The following LIPA variants were observed in gnomAD, a reference collection of about 807,000 sequenced individuals.
LIPA encodes the protein lysosomal acid lipase/cholesteryl ester hydrolase.
A neutral mutation model predicts 40.6 loss-of-function variants in LIPA; 26 were observed. The ratio of observed to expected loss-of-function variants is 0.64; its 90% CI spans 0.47 to 0.89. LIPA has a LOEUF of 0.89. LIPA is among the 40% of genes least tolerant of loss of function. LIPA has a pLI of 0.00. For missense variants in LIPA, 455 were observed against 479.6 expected, an observed-to-expected ratio of 0.95 and a Z score of 0.48; for synonymous variants, 188 against 168.4, an observed-to-expected ratio of 1.12 and a Z score of -0.90.
rs192186432 is a variant in LIPA, at chr10:89,326,191, T to C, written c.-2+16420A>G. 1.7e-3 allele frequency among the ~76,000 whole-genome samples: 265 copies of C among 152,294 alleles called. 3 individuals are homozygous for C. Among genetic ancestry groups the C allele is most frequent in the African/African-American group, 5.9e-3 (244 of 41,560 alleles). On this transcript the variant is annotated intron_variant, in intron 1 of 5. Coordinates refer to the LIPA transcript ENST00000282673. ...AGCCAAGATTTGGAAGCAACCTAAG[T>C]GTCCATCAGCAGAAGAATGGATACA...
intron 1 of LIPA, among the ~76,000 whole-genome samples, chr10:89,285,729 T>C (rs1420997745): frequency 6.6e-6 from 1 of 151,408 alleles, no homozygotes; most frequent in African/African-American, 2.4e-5. Flanking sequence ...TTCTCCACTT[T>C]CCTGGGGGGC....
chr10:89,214,772 C>T lies in LIPA; in HGVS notation c.*56G>A. ...AAGTGTTTTACAGAAATGAAGCAAA[C>T]ACATTTTCACATGACATAATCATTG... On this transcript the variant is annotated 3_prime_UTR_variant, in exon 10 of 10. Transcript: ENST00000336233. 2 of 1,088,634 alleles carry T rather than the reference C, an allele frequency of 1.8e-6. No homozygotes were observed. Among genetic ancestry groups the T allele is most frequent in the Admixed American group, 1.7e-5 (1 of 57,376 alleles). 67.4% of individuals were successfully genotyped at this position (1,088,634 alleles called of 1,614,324 possible).
chr10:89,399,693 T>C (rs1844394593), intron 2 of LIPA, among the ~76,000 whole-genome samples: 1 of 152,212 alleles, frequency 6.6e-6, no homozygotes, highest in South Asian at 2.1e-4. Context: ...ATGGAATGAA[T>C]TGTGCACTTC....
intron 3 of LIPA, among the ~76,000 whole-genome samples, chr10:89,234,837 T>A (rs1842885239): frequency 6.6e-6 from 1 of 152,234 alleles, no homozygotes; most frequent in Non-Finnish European, 1.5e-5. Flanking sequence ...ATTGCACGCT[T>A]GTATGCTGTA....
intron 2 of LIPA, chr10:89,384,281 A>G (rs1267289420): frequency 6.2e-7 from 1 of 1,614,222 alleles, no homozygotes; most frequent in Non-Finnish European, 8.5e-7. Context: ...AGATTGGTTC[A>G]ATTGGCTATA....
chr10:89,242,600 G>C (rs1221593300), intron 3 of LIPA, among the ~76,000 whole-genome samples: 1 of 152,150 alleles, frequency 6.6e-6, no homozygotes, highest in African/African-American at 2.4e-5. Flanking sequence ...CAGTCAAAGA[G>C]GCCCATGGCA....
intron 3 of LIPA, among the ~76,000 whole-genome samples, chr10:89,234,878 CA>C (rs1162380756): frequency 6.6e-6 from 1 of 152,240 alleles, no homozygotes; most frequent in Non-Finnish European, 1.5e-5. Flanking sequence ...TTGAAGTTGG[CA>C]CTACTGCCAT....
chr10:89,290,001 T>TG (rs34537189), intron 1 of LIPA, among the ~76,000 whole-genome samples: 2 of 105,276 alleles, frequency 1.9e-5, no homozygotes, highest in African/African-American at 6.0e-5. Flanking sequence ...AAAAAAAGGG[T>TG]GGGGGGGACT....
rs773438268 is a variant in LIPA, at chr10:89,339,827, A to G, written c.-2+2784T>C. 45 of 1,614,104 alleles carry G rather than the reference A, an allele frequency of 2.8e-5. No homozygotes were observed. Among genetic ancestry groups the G allele is most frequent in the Admixed American group, 1.0e-4 (6 of 60,008 alleles). ...TTAGAGGGTTTGTCCATAAGCAAAA[A>G]ATCAACTGACAAGGAAGAGATCAAA... On this transcript the variant is annotated intron_variant, in intron 1 of 5. Coordinates refer to the LIPA transcript ENST00000282673.
At chr10:89,410,303 G>A (rs1463588545) in intron 2 of LIPA, among the ~76,000 whole-genome samples, 1 of 152,192 alleles carries the variant, frequency 6.6e-6, no homozygotes, top group East Asian at 1.9e-4. Flanking sequence ...GCTACTCCTT[G>A]AGGGACCAGT....
chr10:89,259,668 G>A (rs904039401), intron 1 of LIPA, among the ~76,000 whole-genome samples: 3 of 152,202 alleles, frequency 2.0e-5, no homozygotes, highest in Non-Finnish European at 4.4e-5. Context: ...TAAACAAATT[G>A]TGGTGTATCT....
intron 2 of LIPA, among the ~76,000 whole-genome samples, chr10:89,388,480 T>C (rs1844224358): frequency 6.6e-6 from 1 of 152,150 alleles, no homozygotes; most frequent in Non-Finnish European, 1.5e-5. Context: ...AGACGGTTGT[T>C]GGTGTATTAT....
At chr10:89,233,212 G>T (rs187272359) in intron 3 of LIPA, among the ~76,000 whole-genome samples, 1 of 152,208 alleles carries the variant, frequency 6.6e-6, no homozygotes, top group Non-Finnish European at 1.5e-5. Flanking sequence ...AAAAGATGCA[G>T]CAGATGGGAA....
intron 1 of LIPA, among the ~76,000 whole-genome samples, chr10:89,264,946 A>G (rs775045547): frequency 3.3e-5 from 5 of 152,142 alleles, no homozygotes; most frequent in African/African-American, 4.8e-5. Context: ...GGGAACCCAC[A>G]GGCCCATGCT....
intron 2 of LIPA, among the ~76,000 whole-genome samples, chr10:89,398,124 T>C (rs933320001): frequency 1.3e-4 from 20 of 152,136 alleles, no homozygotes; most frequent in South Asian, 4.1e-4. Context: ...GGAAAAACTA[T>C]AGGGAAAGAA....
At chr10:89,296,732 G>T (rs931138367) in intron 1 of LIPA, among the ~76,000 whole-genome samples, 8 of 152,054 alleles carry the variant, frequency 5.3e-5, no homozygotes, top group Non-Finnish European at 1.0e-4. Flanking sequence ...CCTCAGTTTT[G>T]CTGGAGAATG....
intron 2 of LIPA, among the ~76,000 whole-genome samples, chr10:89,381,519 A>G (rs1678162500): frequency 6.6e-6 from 1 of 152,160 alleles, no homozygotes; most frequent in African/African-American, 2.4e-5. Context: ...ATCCTAAAGC[A>G]ATATGCCAGG....
chr10:89,394,804 T>C (rs1235222503), intron 2 of LIPA, among the ~76,000 whole-genome samples: 1 of 151,950 alleles, frequency 6.6e-6, no homozygotes, highest in African/African-American at 2.4e-5. Context: ...TTTCTCGCTA[T>C]GTGGAGAAAC....
In LIPA at chr10:89,369,880, C is replaced by A. The variant is rs118071917; in HGVS notation, c.61+42911G>T. ...GCAGGAATGCATACTATATTCCCCA[C>A]ATACAGCCAAAGGTCACTGTGCCCA... is the stretch of plus-strand genomic sequence containing the variant. On this transcript the variant is annotated intron_variant, in intron 2 of 8. Transcript: ENST00000371837. Among the ~76,000 whole-genome samples the A allele has an allele frequency of 9.0e-3, 1,376 of 152,342 alleles. 10 individuals carry two copies. Among genetic ancestry groups the A allele is most frequent in the Middle Eastern group, 0.024 (7 of 294 alleles).
Sources: gnomAD v4.1 joint callset for allele counts (sites outside exome capture counted in the v4.1 genomes callset) on GRCh38, gnomAD v4.1.1 for gene constraint, MANE v1.5 for transcripts, NCBI Gene and HGNC (gene_info 2026-07-23, HGNC 2026-07-21) for gene names.